PTPRD: variants seen among roughly 807,000 people sequenced by gnomAD.
PTPRD encodes protein tyrosine phosphatase receptor type D.
A neutral mutation model predicts 214.5 loss-of-function variants in PTPRD; 34 were observed. The observed-to-expected ratio is 0.16, with a 90% CI of 0.12 to 0.21. PTPRD has a LOEUF of 0.21. Among genes scored for constraint, PTPRD ranks in the 10% least tolerant of loss-of-function variants. The pLI, the probability that PTPRD is intolerant of heterozygous loss-of-function variation, is 1.00. For synonymous variants in PTPRD, 1,128 were observed against 845.7 expected (o/e 1.33, Z -5.79); for missense variants, 2,545 against 2,398.7 (o/e 1.06, Z -1.27).
intron 5 of PTPRD, among the ~76,000 whole-genome samples, chr9:9,830,576 G>A (rs1230317773): frequency 6.6e-6 from 1 of 151,888 alleles, no homozygotes; most frequent in Non-Finnish European, 1.5e-5. Context: ...TTCCAACTAT[G>A]GAAGTCAACA....
intron 10 of PTPRD, among the ~76,000 whole-genome samples, chr9:9,023,788 C>T (rs1433619075): frequency 1.3e-5 from 2 of 152,028 alleles, no homozygotes; most frequent in African/African-American, 4.8e-5. Context: ...AGTTAGTCTG[C>T]TTAGGATTAC....
At chr9:8,505,488 G>A (rs1378930750) in intron 22 of PTPRD, among the ~76,000 whole-genome samples, 1 of 151,808 alleles carries the variant, frequency 6.6e-6, no homozygotes, top group Non-Finnish European at 1.5e-5. Flanking sequence ...CGGGTGTGGT[G>A]GTGGGCGCCT....
At chr9:9,528,113 A>C (rs1199927788) in intron 8 of PTPRD, among the ~76,000 whole-genome samples, 2 of 152,214 alleles carry the variant, frequency 1.3e-5, no homozygotes, top group Non-Finnish European at 2.9e-5. Flanking sequence ...TGGAGAGTGA[A>C]GGAAACTAGA....
chr9:8,890,993 G>T (rs542871549), intron 11 of PTPRD, among the ~76,000 whole-genome samples: 53 of 152,250 alleles, frequency 3.5e-4, no homozygotes, highest in Non-Finnish European at 6.6e-4. Context: ...ATTTTAAAGT[G>T]TAAGTAAGTC....
intron 9 of PTPRD, among the ~76,000 whole-genome samples, chr9:9,365,993 T>C (rs913077477): frequency 1.3e-5 from 2 of 151,526 alleles, no homozygotes; most frequent in East Asian, 3.9e-4. Context: ...TATAATATTA[T>C]AAATCTTTAC....
chr9:8,469,385 A>T (rs2096609103), intron 31 of PTPRD, among the ~76,000 whole-genome samples: 1 of 151,920 alleles, frequency 6.6e-6, no homozygotes, highest in African/African-American at 2.4e-5. Context: ...TGCCTTAAAA[A>T]CTTTTTTTTA....
chr9:10,129,021 A>G (rs1388108938), intron 3 of PTPRD, among the ~76,000 whole-genome samples: 1 of 152,202 alleles, frequency 6.6e-6, no homozygotes, highest in Non-Finnish European at 1.5e-5. Flanking sequence ...GATTAGTTTT[A>G]CAAAATGATA....
chr9:10,200,946 T>C (rs1318878096), intron 3 of PTPRD, among the ~76,000 whole-genome samples: 1 of 152,056 alleles, frequency 6.6e-6, no homozygotes, highest in African/African-American at 2.4e-5. Context: ...TAATCATGAG[T>C]CATTGGCACC....
At chr9:10,561,217 T>C (rs1249930633) in intron 2 of PTPRD, among the ~76,000 whole-genome samples, 1 of 152,202 alleles carries the variant, frequency 6.6e-6, no homozygotes, top group Non-Finnish European at 1.5e-5. Context: ...AGCAGGTTAT[T>C]GACTTTTTCA....
intron 5 of PTPRD, among the ~76,000 whole-genome samples, chr9:9,778,112 A>T (rs1243838356): frequency 6.6e-6 from 1 of 152,204 alleles, no homozygotes; most frequent in Non-Finnish European, 1.5e-5. Context: ...CTAAACTACC[A>T]TAATATGGGC....
intron 4 of PTPRD, among the ~76,000 whole-genome samples, chr9:9,960,830 G>T (rs1402531315): frequency 6.6e-6 from 1 of 151,988 alleles, no homozygotes; most frequent in Non-Finnish European, 1.5e-5. Context: ...ATAAAATATG[G>T]ACTTCTGCAC....
At chr9:9,056,769 C>G (rs1009372430) in intron 10 of PTPRD, among the ~76,000 whole-genome samples, 2 of 152,202 alleles carry the variant, frequency 1.3e-5, no homozygotes, top group Non-Finnish European at 2.9e-5. Context: ...TGCTGCATTT[C>G]TTTCTTCACT....
intron 5 of PTPRD, among the ~76,000 whole-genome samples, chr9:9,916,174 A>T (rs1384667751): frequency 6.6e-6 from 1 of 152,030 alleles, no homozygotes; most frequent in Non-Finnish European, 1.5e-5. Context: ...TTTCTCAGAC[A>T]AGCAAAACTA....
chr9:8,875,812 T>A, intron 11 of PTPRD, among the ~76,000 whole-genome samples: 1 of 152,172 alleles, frequency 6.6e-6, no homozygotes, highest in East Asian at 1.9e-4. Context: ...GCTACTTAAC[T>A]GAGTAGCTTT....
At chr9:9,897,993 T>G (rs951101560) in intron 5 of PTPRD, among the ~76,000 whole-genome samples, 1 of 151,878 alleles carries the variant, frequency 6.6e-6, no homozygotes, top group African/African-American at 2.4e-5. Flanking sequence ...AATAAATCTT[T>G]ACTTATAAAA....
intron 3 of PTPRD, among the ~76,000 whole-genome samples, chr9:10,110,745 A>T (rs2098683399): frequency 6.6e-6 from 1 of 152,230 alleles, no homozygotes; most frequent in South Asian, 2.1e-4. Flanking sequence ...GTCACTTAAT[A>T]CAGAAATAGC....
chr9:8,349,253 G>C (rs977255381), intron 39 of PTPRD, among the ~76,000 whole-genome samples: 1 of 151,960 alleles, frequency 6.6e-6, no homozygotes, highest in Non-Finnish European at 1.5e-5. Flanking sequence ...ACAAACCTCC[G>C]GCACTTATTT....
intron 7 of PTPRD, among the ~76,000 whole-genome samples, chr9:9,668,008 GACAGATTATCATCCAT>G (rs1411604560): frequency 6.6e-6 from 1 of 152,066 alleles, no homozygotes; most frequent in East Asian, 1.9e-4. Context: ...TGTGAAAATG[GACAGATTATCATCCAT>G]TTTCAAATTC....
At chr9:10,285,908 G>A (rs1171649599) in intron 3 of PTPRD, among the ~76,000 whole-genome samples, 5 of 151,840 alleles carry the variant, frequency 3.3e-5, no homozygotes, top group African/African-American at 9.7e-5. Flanking sequence ...GTGCCCGGCC[G>A]GGGTCTCATT....
Sources: allele counts gnomAD v4.1 joint callset (sites outside exome capture counted in the v4.1 genomes callset), GRCh38; gene constraint gnomAD v4.1.1; transcripts MANE v1.5; gene names NCBI Gene and HGNC (gene_info 2026-07-23, HGNC 2026-07-21).